The following SCHIP1 variants were observed in gnomAD, a reference collection of about 807,000 sequenced individuals.
SCHIP1 encodes the protein schwannomin-interacting protein 1.
In SCHIP1, 8 loss-of-function variants were observed where a neutral mutation model predicts 29.7. The observed-to-expected ratio is 0.27, with a 90% CI of 0.16 to 0.49. The LOEUF is 0.49. Ranked by LOEUF, SCHIP1 falls within the 20% of genes least tolerant of loss-of-function variation. The pLI is 0.99. For missense variants in SCHIP1, 193 were observed against 294.6 expected, an observed-to-expected ratio of 0.66 and a Z score of 2.52; for synonymous variants, 76 against 94.9, an observed-to-expected ratio of 0.80 and a Z score of 1.16.
chr3:159,738,475 A>G, the SCHIP1 span, among the ~76,000 whole-genome samples: 1 of 152,336 alleles, frequency 6.6e-6, no homozygotes, highest in East Asian at 1.9e-4. Context: ...TCTCCATGTT[A>G]ATATTCACTG....
the SCHIP1 span, among the ~76,000 whole-genome samples, chr3:159,757,603 G>A: frequency 2.0e-5 from 3 of 152,096 alleles, no homozygotes; most frequent in African/African-American, 4.8e-5. Context: ...TACCTCACCC[G>A]CCTGGCCCCT....
the SCHIP1 span, among the ~76,000 whole-genome samples, chr3:159,356,346 A>T: frequency 3.3e-5 from 5 of 152,182 alleles, no homozygotes; most frequent in African/African-American, 1.2e-4. Flanking sequence ...CATTTTGGCC[A>T]TGCCTATCTG....
At chr3:159,383,545 GCCT>G in the SCHIP1 span, among the ~76,000 whole-genome samples, 11 of 150,354 alleles carry the variant, frequency 7.3e-5, no homozygotes, top group Non-Finnish European at 1.3e-4. Context: ...GTAGTGTGAT[GCCT>G]CCAGCTTTGT....
chr3:159,357,870 T>C, the SCHIP1 span, among the ~76,000 whole-genome samples: 1 of 152,078 alleles, frequency 6.6e-6, no homozygotes, highest in Non-Finnish European at 1.5e-5. Flanking sequence ...CAAGATATGA[T>C]GAACTGGGGA....
the SCHIP1 span, among the ~76,000 whole-genome samples, chr3:159,802,002 G>C: frequency 1.3e-4 from 20 of 152,192 alleles, no homozygotes; most frequent in Admixed American, 5.2e-4. Flanking sequence ...AGGAAGTTAA[G>C]GCCACCATGG....
chr3:159,843,560 C>A (rs902967736), intron 1 of SCHIP1, among the ~76,000 whole-genome samples: 15 of 151,880 alleles, frequency 9.9e-5, no homozygotes, highest in African/African-American at 3.6e-4. Flanking sequence ...GTGGCTCACG[C>A]CTGTAATCCC....
At chr3:159,334,975 A>G in the SCHIP1 span, among the ~76,000 whole-genome samples, 1 of 151,028 alleles carries the variant, frequency 6.6e-6, no homozygotes, top group East Asian at 2.0e-4. Context: ...ATCTCAGCTC[A>G]TGACAACTTC....
chr3:159,800,492 C>T, the SCHIP1 span, among the ~76,000 whole-genome samples: 3 of 152,162 alleles, frequency 2.0e-5, no homozygotes, highest in Non-Finnish European at 4.4e-5. Flanking sequence ...CTTTATGGTA[C>T]ACAGATGGTA....
chr3:159,688,556 A>G, the SCHIP1 span, among the ~76,000 whole-genome samples: 1 of 151,736 alleles, frequency 6.6e-6, no homozygotes, highest in Non-Finnish European at 1.5e-5. Context: ...TTACCTGTTC[A>G]CTCTGATGAT....
chr3:159,401,657 A>G, the SCHIP1 span, among the ~76,000 whole-genome samples: 4 of 152,208 alleles, frequency 2.6e-5, no homozygotes, highest in Non-Finnish European at 4.4e-5. Context: ...TGCCCTCTCT[A>G]TACACATTGT....
the SCHIP1 span, among the ~76,000 whole-genome samples, chr3:159,509,474 G>A: frequency 6.6e-6 from 1 of 152,140 alleles, no homozygotes; most frequent in South Asian, 2.1e-4. Flanking sequence ...TGAATTTAAG[G>A]TTAGTATTGT....
the SCHIP1 span, among the ~76,000 whole-genome samples, chr3:159,440,389 C>T: frequency 6.6e-6 from 1 of 151,632 alleles, no homozygotes; most frequent in Non-Finnish European, 1.5e-5. Flanking sequence ...TTTTCAGTGC[C>T]CCCTCAAAAA....
the SCHIP1 span, among the ~76,000 whole-genome samples, chr3:159,277,857 A>G: frequency 1.3e-3 from 197 of 152,050 alleles, 1 homozygote; most frequent in African/African-American, 4.7e-3. Context: ...GGAGGTTGCA[A>G]TGAGTCGAGA....
chr3:159,576,441 G>A, the SCHIP1 span, among the ~76,000 whole-genome samples: 1 of 151,976 alleles, frequency 6.6e-6, no homozygotes, highest in Non-Finnish European at 1.5e-5. Flanking sequence ...TGTCTTCTGT[G>A]TTATGCAGTT....
rs188476726 is a variant in SCHIP1 at position 159,880,506 on chromosome 3, C to A, written c.150-5701C>A. Among the ~76,000 whole-genome samples the A allele has an allele frequency of 2.0e-3, 309 of 152,256 alleles. 3 individuals are homozygous for A. The highest frequency in any genetic ancestry group is 9.7e-4 in the East Asian group (5 of 5,178). ...CAAGCACTTGATATCTGTTAGAAGA[C>A]CTAGTTTTTATTTGCATCACTTAAT... On this transcript the variant is annotated intron_variant, in intron 2 of 6. Transcript: ENST00000445224.
chr3:159,519,084 A>G, the SCHIP1 span, among the ~76,000 whole-genome samples: 6,579 of 152,254 alleles, frequency 0.043, 189 homozygotes, highest in East Asian at 0.062. Context: ...GCAATAGTTA[A>G]TAAAACAAAG....
the SCHIP1 span, among the ~76,000 whole-genome samples, chr3:159,525,318 T>G: frequency 1.0e-3 from 154 of 152,374 alleles, no homozygotes; most frequent in Non-Finnish European, 1.8e-3. Context: ...TTTTGTCGAT[T>G]TTGTTCACTG....
the SCHIP1 span, among the ~76,000 whole-genome samples, chr3:159,680,102 A>G: frequency 1.3e-5 from 2 of 151,888 alleles, no homozygotes; most frequent in African/African-American, 4.8e-5. Context: ...GTCTCTTCCC[A>G]TTAGGATATA....
At chr3:159,878,506 C>T (rs1314956701) in intron 2 of SCHIP1, among the ~76,000 whole-genome samples, 8 of 149,182 alleles carry the variant, frequency 5.4e-5, no homozygotes, top group East Asian at 2.0e-4. Flanking sequence ...AGGCCGGGCG[C>T]GGTGGCTCAC....
Sources: allele counts gnomAD v4.1 joint callset (sites outside exome capture counted in the v4.1 genomes callset), GRCh38; gene constraint gnomAD v4.1.1; transcripts MANE v1.5; gene names NCBI Gene and HGNC (gene_info 2026-07-23, HGNC 2026-07-21).